Variants in PPP6R2 observed in about 807,000 individuals in gnomAD.
The protein encoded by PPP6R2 is serine/threonine-protein phosphatase 6 regulatory subunit 2.
In PPP6R2, 62 loss-of-function variants were observed where a neutral mutation model predicts 100.2. The observed-to-expected ratio is 0.62, with a 90% confidence interval of 0.50 to 0.76. The LOEUF (loss-of-function observed/expected upper bound fraction) is 0.76. Among genes scored for constraint, PPP6R2 ranks in the 30% least tolerant of loss-of-function variants. PPP6R2 has a pLI of 0.00. For synonymous variants in PPP6R2, 525 were observed against 514.7 expected (o/e 1.02, Z -0.27); for missense variants, 1,142 against 1,276.3 (o/e 0.89, Z 1.60).
At chr22:50,380,595 G>A (rs531599579) in intron 2 of PPP6R2, among the ~76,000 whole-genome samples, 1 of 151,432 alleles carries the variant, frequency 6.6e-6, no homozygotes, top group South Asian at 2.1e-4. Flanking sequence ...TCCTGACCTC[G>A]TGATCCAACC....
Position 50,422,373 on chromosome 22 carries a change from C to T in PPP6R2, c.965C>T (p.Pro322Leu). 2 of 1,613,898 alleles carry T rather than the reference C, an allele frequency of 1.2e-6. No individual in the cohort carries two copies. The highest frequency in any genetic ancestry group is 1.7e-6 in the Non-Finnish European group (2 of 1,179,894). ...GACTTCCACCAGCTCCTGCTCAACCCGCCCAAGGTAAATGGCCGTGGCGAC... is the reference window on the plus strand; with the variant it reads ...GACTTCCACCAGCTCCTGCTCAACCTGCCCAAGGTAAATGGCCGTGGCGAC... Reference protein sequence around the residue: ...LKDFHQLLLNPPKKKAILTTI... With the variant: ...LKDFHQLLLNLPKKKAILTTI... Residue 322 changes from proline (P) to leucine (L), a missense_variant, in exon 9 of 24, where the codon CCG becomes CTG. Transcript: ENST00000612753.
At chr22:50,375,375 C>T (rs1287151726) in intron 2 of PPP6R2, among the ~76,000 whole-genome samples, 2 of 152,174 alleles carry the variant, frequency 1.3e-5, no homozygotes, top group Non-Finnish European at 2.9e-5. Context: ...AGAATGGGGT[C>T]TGCTTTTGTC....
At chr22:50,401,044 T>C (rs1416107268) in intron 3 of PPP6R2, among the ~76,000 whole-genome samples, 1 of 152,110 alleles carries the variant, frequency 6.6e-6, no homozygotes, top group Non-Finnish European at 1.5e-5. Flanking sequence ...TTTTATTGAC[T>C]TTTCAAAGTT....
At chr22:50,340,586 TG>T (rs1569219659), upstream of PPP6R2, among the ~76,000 whole-genome samples, 24 of 127,384 alleles carry the variant, frequency 1.9e-4, no homozygotes, top group Middle Eastern at 3.9e-3. Context: ...ATGTGGTGTG[TG>T]GTGTGTGTGT....
chr22:50,349,363 CAAAAAAA>C (rs1225878624), intron 1 of PPP6R2, among the ~76,000 whole-genome samples: 1 of 56,348 alleles, frequency 1.8e-5, no homozygotes, highest in Non-Finnish European at 3.6e-5. Context: ...GACCCTGTCT[CAAAAAAA>C]AAAAAAAAAA....
intron 11 of PPP6R2, 67 bp from the exon 12 acceptor site, chr22:50,432,198 G>A: frequency 7.1e-7 from 1 of 1,414,924 alleles, no homozygotes; most frequent in South Asian, 1.2e-5. Flanking sequence ...CCAGTCCAGG[G>A]ATGGGTGGAG....
intron 4 of PPP6R2, among the ~76,000 whole-genome samples, chr22:50,412,468 C>T (rs1430677881): frequency 6.6e-6 from 1 of 151,980 alleles, no homozygotes; most frequent in Non-Finnish European, 1.5e-5. Context: ...CAGGCATGAG[C>T]CACCATGCCC....
At chr22:50,388,995 A>T (rs372141873) in intron 2 of PPP6R2, 1 of 152,194 alleles carries the variant, frequency 6.6e-6, no homozygotes, top group Middle Eastern at 3.2e-3. Flanking sequence ...GGGCGCTTTC[A>T]TGGAACTATA....
chr22:50,440,123 G>A (rs557864425), intron 21 of PPP6R2, 74 bp downstream of exon 21: 605 of 1,384,052 alleles, frequency 4.4e-4, no homozygotes, highest in Non-Finnish European at 5.8e-4. Context: ...CCCCCTCCTT[G>A]GGGGCAGTGG....
the PPP6R2 span, among the ~76,000 whole-genome samples, chr22:50,337,817 CTG>C: frequency 1.9e-5 from 2 of 103,636 alleles, no homozygotes; most frequent in African/African-American, 7.8e-5. Context: ...TGTGTGCTAT[CTG>C]GGTACAGTGT....
In PPP6R2 at chr22:50,438,516, C is replaced by A. The variant is rs1352286853; in HGVS notation, c.1965-83C>A. On this transcript the variant is annotated intron_variant, in intron 18 of 23. Transcript: ENST00000612753. ...CGAGACGATCTGTGCTCACCCTCAG[C>A]CCCGAGCCTGGGGCCGCCACTGACC... 3.3e-6 allele frequency: 5 copies of A among 1,523,998 alleles called. No homozygotes were observed. The African/African-American group carries it at 6.9e-5, about 21-fold the overall frequency. The allele number at this position is 1,523,998 out of a possible 1,614,324, so 94.4% of individuals were successfully genotyped here.
intron 2 of PPP6R2, among the ~76,000 whole-genome samples, chr22:50,392,336 T>C (rs1446684306): frequency 8.8e-6 from 1 of 113,842 alleles, no homozygotes. Flanking sequence ...TCCCTGTCTC[T>C]ACAGAAAAAA....
the PPP6R2 span, among the ~76,000 whole-genome samples, chr22:50,333,492 A>G: frequency 1.3e-5 from 2 of 151,678 alleles, no homozygotes; most frequent in East Asian, 1.9e-4. Flanking sequence ...GCCTGCCACC[A>G]CGCCCGGCTA....
chr22:50,438,307 C>T lies in PPP6R2; in HGVS notation c.1964+9C>T, dbSNP rs376148172. On this transcript the variant is annotated intron_variant, in intron 18 of 23. Transcript: ENST00000612753. Reference sequence around the variant, plus strand: ...GTGATGGCCAGACCCAGGTGCGGGGCCTGCCCATCCCCACAAAGCCTCTGC... The same window carrying T: ...GTGATGGCCAGACCCAGGTGCGGGGTCTGCCCATCCCCACAAAGCCTCTGC... 35 of 1,607,490 alleles carry T rather than the reference C, an allele frequency of 2.2e-5. No individual in the cohort carries two copies. In the East Asian group the frequency reaches 6.9e-4, roughly 32 times the overall value.
chr22:50,348,362 G>A (rs956743041), intron 1 of PPP6R2, among the ~76,000 whole-genome samples: 3 of 152,134 alleles, frequency 2.0e-5, no homozygotes, highest in African/African-American at 7.2e-5. Context: ...GAACTTGGTG[G>A]TGGGTTTAGG....
chr22:50,425,529 T>G (rs780654708), intron 10 of PPP6R2, among the ~76,000 whole-genome samples: 1 of 152,246 alleles, frequency 6.6e-6, no homozygotes, highest in Non-Finnish European at 1.5e-5. Flanking sequence ...TCTGGATAAA[T>G]ACCTATGAGG....
chr22:50,393,886 T>C lies in PPP6R2; in HGVS notation c.-16-7T>C, dbSNP rs2056178255. On this transcript the variant is annotated splice_region_variant and splice_polypyrimidine_tract_variant and intron_variant, in intron 2 of 23. Transcript: ENST00000612753. The stretch of plus-strand genomic sequence containing the variant: ...GAGAGACGTGACCCCTTTGCCCTCG[T>C]TTGCAGCTCTGCGGCCGTCACGATG... 6.2e-6 allele frequency: 10 copies of C among 1,613,874 alleles called. No homozygotes were observed. Among genetic ancestry groups the C allele is most frequent in the African/African-American group, 1.3e-5 (1 of 74,916 alleles).
intron 22 of PPP6R2, among the ~76,000 whole-genome samples, chr22:50,441,896 G>C (rs2065726493): frequency 6.6e-6 from 1 of 152,164 alleles, no homozygotes; most frequent in Admixed American, 6.5e-5. Context: ...AACCTGAGGG[G>C]GAGGGTAGGA....
chr22:50,339,784 GTGTGGTGTGTGTGGGGT>G (rs2042349578), upstream of PPP6R2, among the ~76,000 whole-genome samples: 1 of 109,266 alleles, frequency 9.2e-6, no homozygotes, highest in Admixed American at 9.2e-5. Flanking sequence ...TGTGGTGTGT[GTGTGGTGTGTGTGGGGT>G]ATGTGTGTGT....
Sources: allele counts gnomAD v4.1 joint callset (sites outside exome capture counted in the v4.1 genomes callset), GRCh38; gene constraint gnomAD v4.1.1; transcripts MANE v1.5; gene names NCBI Gene and HGNC (gene_info 2026-07-23, HGNC 2026-07-21).